Variants in CNKSR2 observed in about 807,000 individuals in gnomAD.
The protein encoded by CNKSR2 is CNK homolog protein 2.
In CNKSR2, 14 loss-of-function variants were observed where a neutral mutation model predicts 84.4. The ratio of observed to expected loss-of-function variants is 0.17; its 90% CI spans 0.11 to 0.26. The LOEUF (loss-of-function observed/expected upper bound fraction) is 0.26. CNKSR2 is among the 10% of genes least tolerant of loss of function. CNKSR2 has a pLI of 1.00. For synonymous variants in CNKSR2, 275 were observed against 277.9 expected (o/e 0.99, Z 0.10); for missense variants, 485 against 771.2 (o/e 0.63, Z 4.40).
chrX:21,451,199 A>G (rs1416392051), intron 4 of CNKSR2, among the ~76,000 whole-genome samples: 3 of 112,003 alleles, frequency 2.7e-5, no homozygotes, highest in African/African-American at 9.7e-5. Context: ...TTGAGAAAGT[A>G]AAGAGACATT....
At chrX:21,631,930 T>C (rs1177803919) in intron 20 of CNKSR2, among the ~76,000 whole-genome samples, 3 of 112,092 alleles carry the variant, frequency 2.7e-5, no homozygotes, top group Non-Finnish European at 5.6e-5. Flanking sequence ...TAAAAGTTTT[T>C]CAGTGATAAT....
chrX:21,647,706 G>A (rs151019688), intron 20 of CNKSR2, among the ~76,000 whole-genome samples: 133 of 111,738 alleles, frequency 1.2e-3, no homozygotes, highest in African/African-American at 4.1e-3. Context: ...TTACCCTGCT[G>A]CCTGGCACAT....
chrX:21,551,311 C>T (rs1179064091), intron 11 of CNKSR2, among the ~76,000 whole-genome samples: 1 of 111,746 alleles, frequency 8.9e-6, no homozygotes, highest in East Asian at 2.8e-4. Context: ...ACGTGCATAC[C>T]TATGTAACAA....
chrX:21,450,272 A>G (rs2090910543), intron 4 of CNKSR2, among the ~76,000 whole-genome samples: 1 of 112,035 alleles, frequency 8.9e-6, no homozygotes, highest in Non-Finnish European at 1.9e-5. Flanking sequence ...TCTATGGAAT[A>G]TCTCTTTTCA....
At chrX:21,564,756 T>A (rs1466059498) in intron 13 of CNKSR2, among the ~76,000 whole-genome samples, 2 of 90,488 alleles carry the variant, frequency 2.2e-5, no homozygotes, top group Non-Finnish European at 3.9e-5. Flanking sequence ...AGAAAAATGT[T>A]TTTTTTTTTG....
At chrX:21,437,297 A>G (rs747131044) in intron 3 of CNKSR2, among the ~76,000 whole-genome samples, 5 of 110,687 alleles carry the variant, frequency 4.5e-5, no homozygotes, top group Non-Finnish European at 9.4e-5. Context: ...TTATAAACAG[A>G]CTCTGACCTT....
chrX:21,532,380 T>C, intron 11 of CNKSR2, among the ~76,000 whole-genome samples: 1 of 111,156 alleles, frequency 9.0e-6, no homozygotes. Context: ...AATTCAAGTG[T>C]TTTTTTATTC....
In CNKSR2 at chrX:21,487,026, C is replaced by T. The variant is rs138706380; in HGVS notation, c.562-3433C>T. Among the ~76,000 whole-genome samples the T allele has an allele frequency of 9.9e-3, 1,104 of 111,550 alleles. 14 individuals carry two copies. Among genetic ancestry groups the T allele is most frequent in the African/African-American group, 0.033 (1,002 of 30,734 alleles). Reference sequence around the variant, plus strand: ...AAATGCTACAATATAAAGTTTCTAGCGTATTATCTCTAAAACAGGAAGCAA... The same window carrying T: ...AAATGCTACAATATAAAGTTTCTAGTGTATTATCTCTAAAACAGGAAGCAA... On this transcript the variant is annotated intron_variant, in intron 5 of 21. Transcript: ENST00000379510.
At chrX:21,626,316 A>G (rs1031536361) in intron 20 of CNKSR2, among the ~76,000 whole-genome samples, 6 of 110,300 alleles carry the variant, frequency 5.4e-5, no homozygotes, top group Non-Finnish European at 9.5e-5. Context: ...TAATTTAGAG[A>G]AATATGGTAT....
intron 11 of CNKSR2, among the ~76,000 whole-genome samples, chrX:21,542,102 A>G (rs1211059850): frequency 8.9e-6 from 1 of 112,351 alleles, no homozygotes; most frequent in Admixed American, 9.4e-5. Flanking sequence ...AGACTGCTAA[A>G]TTTAGATGTA....
At chrX:21,377,922 G>T (rs2089842496) in intron 1 of CNKSR2, among the ~76,000 whole-genome samples, 1 of 111,221 alleles carries the variant, frequency 9.0e-6, no homozygotes, top group South Asian at 3.7e-4. Context: ...GATTCATTTT[G>T]ATTGATCAAT....
intron 4 of CNKSR2, among the ~76,000 whole-genome samples, chrX:21,451,624 CA>C (rs1370012369): frequency 2.3e-4 from 22 of 97,511 alleles, no homozygotes; most frequent in Admixed American, 3.6e-4. Context: ...CGCATGTTCT[CA>C]CTCATAGGTG....
intron 11 of CNKSR2, among the ~76,000 whole-genome samples, chrX:21,547,295 A>G (rs2092036602): frequency 8.9e-6 from 1 of 111,784 alleles, no homozygotes; most frequent in African/African-American, 3.3e-5. Context: ...AGTCTCTGAT[A>G]AAACAGACTT....
At chrX:21,510,645 G>A (rs1291069916) in intron 8 of CNKSR2, among the ~76,000 whole-genome samples, 1 of 111,389 alleles carries the variant, frequency 9.0e-6, no homozygotes, top group Non-Finnish European at 1.9e-5. Flanking sequence ...CACTTATGTT[G>A]TCCTTCACAA....
chrX:21,455,981 G>C (rs1211305049), intron 4 of CNKSR2, among the ~76,000 whole-genome samples: 1 of 110,976 alleles, frequency 9.0e-6, no homozygotes, highest in Non-Finnish European at 1.9e-5. Context: ...TTCTCAGACT[G>C]CTTACCTAGG....
At chrX:21,520,452 C>T (rs2091770774) in intron 9 of CNKSR2, among the ~76,000 whole-genome samples, 1 of 103,899 alleles carries the variant, frequency 9.6e-6, no homozygotes, top group African/African-American at 3.8e-5. Flanking sequence ...ATGGTGATTG[C>T]TTATCATCAA....
chrX:21,380,579 T>C (rs1294448425), intron 1 of CNKSR2, among the ~76,000 whole-genome samples: 1 of 109,026 alleles, frequency 9.2e-6, no homozygotes, highest in Non-Finnish European at 1.9e-5. Flanking sequence ...CTCAAGTAGC[T>C]GGGATTACAG....
chrX:21,466,754 T>G (rs2091133376), intron 4 of CNKSR2, among the ~76,000 whole-genome samples: 1 of 111,108 alleles, frequency 9.0e-6, no homozygotes, highest in Non-Finnish European at 1.9e-5. Flanking sequence ...CCAGCTAATT[T>G]TTGTATTTTT....
At chrX:21,588,348 T>A (rs1254129284) in intron 13 of CNKSR2, among the ~76,000 whole-genome samples, 1 of 112,527 alleles carries the variant, frequency 8.9e-6, no homozygotes, top group Non-Finnish European at 1.9e-5. Context: ...CTACAGTAAC[T>A]CTTTTCTGCA....
Sources: gnomAD v4.1 joint callset for allele counts (sites outside exome capture counted in the v4.1 genomes callset) on GRCh38, gnomAD v4.1.1 for gene constraint, MANE v1.5 for transcripts, NCBI Gene and HGNC (gene_info 2026-07-23, HGNC 2026-07-21) for gene names.